PCSK6: variants seen among roughly 807,000 people sequenced by gnomAD.
The protein encoded by PCSK6 is proprotein convertase subtilisin/kexin type 6, also known as paired basic amino acid cleaving enzyme 4.
Under a neutral mutation model 123.3 loss-of-function variants are expected in PCSK6, and 85 were observed. The observed-to-expected ratio is 0.69, with a 90% confidence interval of 0.58 to 0.83. PCSK6 has a LOEUF of 0.83. PCSK6 is among the 40% of genes least tolerant of loss of function. The pLI is 0.00. For missense variants in PCSK6, 1,191 were observed against 1,282.3 expected (o/e 0.93, Z 1.09); for synonymous variants, 508 against 516.0 (o/e 0.98, Z 0.21).
chr15:101,444,360 G>A (rs1235795546), intron 1 of PCSK6, among the ~76,000 whole-genome samples: 4 of 152,226 alleles, frequency 2.6e-5, no homozygotes, highest in East Asian at 1.9e-4. Flanking sequence ...GTCCGGGCTC[G>A]AGCATGGGGA....
intron 7 of PCSK6, among the ~76,000 whole-genome samples, chr15:101,397,607 G>A (rs1022376258): frequency 2.0e-5 from 3 of 152,096 alleles, no homozygotes. Flanking sequence ...ACGTTGGGCT[G>A]GGACCTGTTC....
intron 1 of PCSK6, among the ~76,000 whole-genome samples, chr15:101,455,043 T>G (rs995198334): frequency 1.2e-4 from 19 of 152,230 alleles, no homozygotes; most frequent in African/African-American, 3.9e-4. Context: ...GTTCTGGAGA[T>G]GGACAGTGGT....
chr15:101,484,110 C>G (rs1284576964), intron 1 of PCSK6, among the ~76,000 whole-genome samples: 1 of 151,980 alleles, frequency 6.6e-6, no homozygotes, highest in South Asian at 2.1e-4. Flanking sequence ...ATGTAATATA[C>G]CCTGATACAA....
At chr15:101,429,762 C>A (rs997620580) in intron 5 of PCSK6, among the ~76,000 whole-genome samples, 4 of 152,222 alleles carry the variant, frequency 2.6e-5, no homozygotes, top group Non-Finnish European at 5.9e-5. Context: ...TCTAGCTGCC[C>A]GGCAGCGGTG....
At chr15:101,440,641 C>G (rs895400414) in intron 2 of PCSK6, among the ~76,000 whole-genome samples, 3 of 152,190 alleles carry the variant, frequency 2.0e-5, no homozygotes, top group Non-Finnish European at 4.4e-5. Flanking sequence ...ATGGCAGCCT[C>G]GCATTCCGAA....
chr15:101,320,191 T>G (rs28412304), intron 18 of PCSK6, among the ~76,000 whole-genome samples: 2,879 of 152,306 alleles, frequency 0.019, 108 homozygotes, highest in African/African-American at 0.066. Flanking sequence ...GTTCAAGCGA[T>G]TCTCCTGCCT....
rs1443824255 is a variant in PCSK6, at chr15:101,398,314, G to A, written c.996+90C>T. ...CAGAGTCTTCCCTGTCTTGTTTCAG[G>A]GCTGTGGCCAGTGTCACTCTGATAC... is the stretch of plus-strand genomic sequence containing the variant. On this transcript the variant is annotated intron_variant, in intron 7 of 21. Coordinates refer to ENST00000611716, the MANE Select transcript of PCSK6 (RefSeq NM_002570.5). This position sits in a 1 kb window ranked among gnomAD's most constrained non-coding sequence, Gnocchi z 4.6. 2 of 1,429,072 alleles carry A rather than the reference G, an allele frequency of 1.4e-6. No individual in the cohort carries two copies. Among genetic ancestry groups the A allele is most frequent in the Non-Finnish European group, 1.9e-6 (2 of 1,051,964 alleles). The allele number at this position is 1,429,072 out of a possible 1,614,324, so 88.5% of individuals were successfully genotyped here. A position where few individuals can be genotyped will look rare whatever the true frequency, so the allele number is the denominator to read the frequency against.
Position 101,318,408 on chromosome 15 carries a change from C to T in PCSK6, c.2480G>A (p.Ser827Asn), listed in dbSNP as rs767377856. The T allele has an allele frequency of 2.5e-5, 39 of 1,559,024 alleles. No homozygotes were observed. The highest frequency in any genetic ancestry group is 3.1e-5 in the Non-Finnish European group (36 of 1,151,374). Residue 827 changes from serine to asparagine, a missense_variant, in exon 19 of 22, where the codon AGC (serine) becomes AAC (asparagine). Physicochemically the swap from Ser to Asn is conservative, Grantham distance 46 (BLOSUM62 1). Coordinates refer to ENST00000611716, the MANE Select transcript of PCSK6 (RefSeq NM_002570.5). ...GCCTGGCTCACAGTCAGGAATGCAG[C>T]TGCCCCGTGCAAGGCTGTTGAAAAG... ...CKEGFSLARG[S>N]CIPDCEPGTY...
chr15:101,373,553 C>T (rs7179908), intron 11 of PCSK6, among the ~76,000 whole-genome samples: 7,408 of 152,224 alleles, frequency 0.049, 589 homozygotes, highest in African/African-American at 0.17. Context: ...ATTAACCTAA[C>T]ATCCCCAATT....
chr15:101,382,067 C>T, intron 11 of PCSK6, 25 bp downstream of exon 11: 1 of 1,531,648 alleles, frequency 6.5e-7, no homozygotes, highest in Non-Finnish European at 8.9e-7. Context: ...CCTGAGAAGT[C>T]ACCGATGCCA....
chr15:101,475,617 C>T (rs55942400), intron 1 of PCSK6, among the ~76,000 whole-genome samples: 8 of 151,184 alleles, frequency 5.3e-5, no homozygotes, highest in Admixed American at 2.0e-4. Flanking sequence ...TCCCCAGTAG[C>T]TGGGACCACA....
At chr15:101,410,179 T>C (rs939270424) in intron 6 of PCSK6, among the ~76,000 whole-genome samples, 48 of 152,336 alleles carry the variant, frequency 3.2e-4, no homozygotes, top group African/African-American at 1.1e-3. Context: ...GTGATCCTCC[T>C]GCCTTGGCCT....
rs746474647 is a variant in PCSK6 at position 101,443,664 on chromosome 15, C to G, written c.298-4G>C. The G allele has an allele frequency of 6.2e-7, 1 of 1,603,704 alleles. No individual in the cohort carries two copies. Among genetic ancestry groups the G allele is most frequent in the East Asian group, 2.2e-5 (1 of 44,828 alleles). ...AGTAATCTTCCAGGTTTCCAATCTG[C>G]AAGACAAGAAGCAGAATGCCATCAA... is the stretch of plus-strand genomic sequence containing the variant. On this transcript the variant is annotated splice_region_variant and splice_polypyrimidine_tract_variant and intron_variant, in intron 1 of 21. Transcript: ENST00000611716.
At position 101,486,856 on chromosome 15, in the gene PCSK6, G is replaced by C. The variant is rs185959787; in HGVS notation, c.297+2518C>G. Among the ~76,000 whole-genome samples, 3 of 152,342 alleles carry C rather than the reference G, an allele frequency of 2.0e-5. No homozygotes were observed. The East Asian group carries it at 5.8e-4, about 29-fold the overall frequency. ...ACACTAATTGCCCATTAAGGGCTTGGAGAAAGAGTTTCACAAAGGAGACCT... is the reference window on the plus strand; with the variant it reads ...ACACTAATTGCCCATTAAGGGCTTGCAGAAAGAGTTTCACAAAGGAGACCT... On this transcript the variant is annotated intron_variant, in intron 1 of 21. Coordinates refer to ENST00000611716, the MANE Select transcript of PCSK6 (RefSeq NM_002570.5).
intron 13 of PCSK6, among the ~76,000 whole-genome samples, chr15:101,358,977 T>C (rs1248539389): frequency 6.6e-6 from 1 of 152,128 alleles, no homozygotes; most frequent in Non-Finnish European, 1.5e-5. Context: ...GGACCCAGGC[T>C]CCCAGGCTAG....
At chr15:101,469,002 G>A (rs1432419462) in intron 1 of PCSK6, among the ~76,000 whole-genome samples, 1 of 152,184 alleles carries the variant, frequency 6.6e-6, no homozygotes, top group East Asian at 1.9e-4. Flanking sequence ...CGTCGAAAGT[G>A]CTGGGATTCG....
chr15:101,431,723 G>A (rs2056453520), intron 3 of PCSK6, among the ~76,000 whole-genome samples: 1 of 152,174 alleles, frequency 6.6e-6, no homozygotes, highest in Non-Finnish European at 1.5e-5. Flanking sequence ...CATGGGCTGG[G>A]CTTTGCCATT....
At chr15:101,326,506 T>C in intron 15 of PCSK6, 27 bp from the exon 16 acceptor site, 2 of 1,545,110 alleles carry the variant, frequency 1.3e-6, no homozygotes, top group Non-Finnish European at 1.8e-6. Context: ...TTGCCTTTCA[T>C]CCAGAGAGAC....
At chr15:101,317,102 G>A (rs1291271675) in intron 19 of PCSK6, among the ~76,000 whole-genome samples, 1 of 151,954 alleles carries the variant, frequency 6.6e-6, no homozygotes, top group Non-Finnish European at 1.5e-5. Flanking sequence ...AGTAGAGATG[G>A]GGTTTCACCA....
Sources: allele counts gnomAD v4.1 joint callset (sites outside exome capture counted in the v4.1 genomes callset), GRCh38; gene constraint gnomAD v4.1.1; non-coding constraint Gnocchi (gnomAD v3.1); transcripts MANE v1.5; gene names NCBI Gene and HGNC (gene_info 2026-07-23, HGNC 2026-07-21).